The following RBM44 variants were observed in gnomAD, a reference collection of about 807,000 sequenced individuals.
The protein encoded by RBM44 is RNA binding motif protein 44, also known as RNA-binding protein 44.
A neutral mutation model predicts 105.1 loss-of-function variants in RBM44; 66 were observed. The ratio of observed to expected loss-of-function variants is 0.63; its 90% CI spans 0.52 to 0.77. The LOEUF is 0.77. RBM44 is among the 30% of genes least tolerant of loss of function. RBM44 has a pLI of 0.00. For missense variants in RBM44, 1,122 were observed against 1,207.8 expected, an observed-to-expected ratio of 0.93 and a Z score of 1.05; for synonymous variants, 365 against 417.6, an observed-to-expected ratio of 0.87 and a Z score of 1.54.
chr2:237,817,329 T>C lies in RBM44; in HGVS notation c.410T>C (p.Val137Ala), dbSNP rs1209601068. Reference sequence around the variant, plus strand: ...TTAAGTTCAGAATTAGATCCTGAAGTGCAGAAAAAAGAGGAGGTTTTTTTT... The same window carrying C: ...TTAAGTTCAGAATTAGATCCTGAAGCGCAGAAAAAAGAGGAGGTTTTTTTT... ...TPLSSELDPE[V>A]QKKEEVFFNI... is the part of the protein sequence containing the mutation. The change falls in exon 3 of 16, where the codon GTG (valine) becomes GCG (alanine). Residue 137 changes from valine (V) to alanine (A), a missense_variant. Coordinates refer to ENST00000316997, the MANE Select transcript of RBM44 (RefSeq NM_001080504.3). The C allele has an allele frequency of 3.1e-6, 5 of 1,603,450 alleles. No homozygotes were observed. Among genetic ancestry groups the C allele is most frequent in the Non-Finnish European group, 4.3e-6 (5 of 1,175,712 alleles).
Position 237,807,205 on chromosome 2 carries a change from G to A in RBM44, c.-18-6387G>A, listed in dbSNP as rs189985582. The stretch of plus-strand genomic sequence containing the variant: ...GCTCTGTTGCCCAGGATGGAGTGCA[G>A]TGGTGCAATCTTGGCTCACTGCAAC... On this transcript the variant is annotated intron_variant, in intron 1 of 15. Transcript: ENST00000316997. 4.9e-3 allele frequency among the ~76,000 whole-genome samples: 740 copies of A among 152,282 alleles called. 2 individuals carry two copies. The highest frequency in any genetic ancestry group is 8.2e-3 in the Admixed American group (126 of 15,304).
Position 237,838,600 on chromosome 2 carries a change from A to C in RBM44, c.*23-3239A>C, listed in dbSNP as rs1471204220. Among the ~76,000 whole-genome samples the C allele has an allele frequency of 4.6e-5, 7 of 152,160 alleles. 1 individual carries two copies. Among genetic ancestry groups the C allele is most frequent in the Admixed American group, 3.9e-4 (6 of 15,278 alleles). ...AGGGGATTAAGTATTCTTACTAAAC[A>C]CCTTGCAGTTTGGGAAGAGAGTAAG... On this transcript the variant is annotated intron_variant, in intron 15 of 15. Transcript: ENST00000316997.
At chr2:237,808,209 T>G (rs368961309) in intron 1 of RBM44, among the ~76,000 whole-genome samples, 1 of 152,122 alleles carries the variant, frequency 6.6e-6, no homozygotes, top group East Asian at 1.9e-4. Flanking sequence ...TCCTAGCACT[T>G]TGGGAGACTG....
At position 237,818,329 on chromosome 2, in the gene RBM44, T is replaced by C; in HGVS notation, c.1410T>C (p.Val470=). 6.2e-7 allele frequency: 1 copy of C among 1,613,378 alleles called. No individual in the cohort carries two copies. Among genetic ancestry groups the C allele is most frequent in the South Asian group, 1.1e-5 (1 of 91,050 alleles). Residue 470 remains valine, a synonymous_variant, in exon 3 of 16, where the codon GTT becomes GTC. Coordinates refer to ENST00000316997, the MANE Select transcript of RBM44 (RefSeq NM_001080504.3). This position sits in a 1 kb window ranked among gnomAD's most constrained non-coding sequence, Gnocchi z 4.6. ...TCACAATTAATCAGACAGTGGACGT[T>C]AGCACTGATTTTAGGGCTTGTTTCA... ...CTVTINQTVD[V]STDFRACFTT... is the part of the protein sequence containing the mutation.
chr2:237,809,926 T>C (rs2061639695), intron 1 of RBM44, among the ~76,000 whole-genome samples: 2 of 152,138 alleles, frequency 1.3e-5, no homozygotes, highest in South Asian at 4.1e-4. Flanking sequence ...AGCAAACCCC[T>C]TCTCTTTAAA....
intron 1 of RBM44, among the ~76,000 whole-genome samples, chr2:237,805,620 T>C (rs772741444): frequency 2.0e-5 from 3 of 152,214 alleles, no homozygotes; most frequent in African/African-American, 4.8e-5. Flanking sequence ...GATAGACCTC[T>C]ACCTTTCACC....
intron 1 of RBM44, among the ~76,000 whole-genome samples, chr2:237,805,893 T>A (rs916435314): frequency 6.6e-6 from 1 of 152,058 alleles, no homozygotes; most frequent in Non-Finnish European, 1.5e-5. Context: ...GGTGGGAGGA[T>A]CACTTGAGCC....
intron 1 of RBM44, among the ~76,000 whole-genome samples, chr2:237,807,946 C>T (rs1381655137): frequency 6.6e-6 from 1 of 152,118 alleles, no homozygotes; most frequent in Non-Finnish European, 1.5e-5. Context: ...TACAACTTAT[C>T]AAATATAGTT....
chr2:237,808,000 A>G (rs2061616141), intron 1 of RBM44, among the ~76,000 whole-genome samples: 1 of 152,208 alleles, frequency 6.6e-6, no homozygotes, highest in Non-Finnish European at 1.5e-5. Flanking sequence ...AAATGACAAG[A>G]CATAATGAGT....
At chr2:237,838,165 A>G (rs1055941901) in intron 15 of RBM44, among the ~76,000 whole-genome samples, 4 of 152,216 alleles carry the variant, frequency 2.6e-5, no homozygotes, top group East Asian at 1.9e-4. Context: ...ATTAAAGCCT[A>G]TAAGAACTAT....
chr2:237,829,290 A>C lies in RBM44; in HGVS notation c.2674A>C (p.Asn892His), dbSNP rs10186505. ...GAAAGAAATGAATGGGATAGAAATA[A>C]ATGGAAAGTCAGTAAATGTGTGGCC... ...AVKEMNGIEI[N>H]GKSVNVWPVK... The change falls in exon 13 of 16, where the codon AAT becomes CAT. Residue 892 changes from asparagine to histidine, a missense_variant. This residue lies in a region of RBM44 where 194 missense variants were observed against 225.5 expected (regional missense o/e 0.86). Coordinates refer to ENST00000316997, the MANE Select transcript of RBM44 (RefSeq NM_001080504.3). 8,168 of 1,613,408 alleles carry C rather than the reference A, an allele frequency of 5.1e-3. 349 individuals are homozygous for C. The African/African-American group carries it at 0.094, about 19-fold the overall frequency.
Position 237,833,606 on chromosome 2 carries a change from C to G in RBM44, c.2887-391C>G, listed in dbSNP as rs145400659. On this transcript the variant is annotated intron_variant, in intron 13 of 15. Coordinates refer to ENST00000316997, the MANE Select transcript of RBM44 (RefSeq NM_001080504.3). ...AGAATTAAGCCTTAATGCCCTAAGC[C>G]TAAAACATTTATTTAATGAATGAAT... is the stretch of plus-strand genomic sequence containing the variant. Among the ~76,000 whole-genome samples, 775 of 152,214 alleles carry G rather than the reference C, an allele frequency of 5.1e-3. 7 individuals are homozygous for G. The highest frequency in any genetic ancestry group is 0.018 in the African/African-American group (731 of 41,552).
At chr2:237,801,587 A>G (rs1247386003) in intron 1 of RBM44, among the ~76,000 whole-genome samples, 3 of 152,112 alleles carry the variant, frequency 2.0e-5, no homozygotes, top group African/African-American at 7.2e-5. Context: ...TCGGCCTCCT[A>G]AAGTGCTGGG....
intron 1 of RBM44, among the ~76,000 whole-genome samples, chr2:237,806,695 A>G (rs1322503539): frequency 6.6e-6 from 1 of 152,236 alleles, no homozygotes. Context: ...ATAAAAGAAA[A>G]GCTCCAGAAA....
At chr2:237,809,899 T>C (rs1299780818) in intron 1 of RBM44, among the ~76,000 whole-genome samples, 1 of 152,192 alleles carries the variant, frequency 6.6e-6, no homozygotes, top group Non-Finnish European at 1.5e-5. Context: ...GCCACTGCAC[T>C]CCAGCCTGGG....
At chr2:237,819,923 C>G (rs1287511442) in intron 4 of RBM44, among the ~76,000 whole-genome samples, 1 of 151,794 alleles carries the variant, frequency 6.6e-6, no homozygotes, top group Admixed American at 6.6e-5. Context: ...CAAATTCATA[C>G]TTCCTTTTTT....
intron 8 of RBM44, among the ~76,000 whole-genome samples, chr2:237,823,124 T>A (rs1157270789): frequency 2.7e-5 from 4 of 146,606 alleles, no homozygotes; most frequent in African/African-American, 9.8e-5. Flanking sequence ...ATATATATAA[T>A]ATATATATAT....
intron 9 of RBM44, 29 bp from the exon 10 acceptor site, chr2:237,824,262 T>G (rs779447394): frequency 1.2e-5 from 20 of 1,610,680 alleles, no homozygotes; most frequent in East Asian, 2.2e-5. Flanking sequence ...TTACGTGTCA[T>G]TCATAGCTCA....
chr2:237,827,145 C>A lies in RBM44; in HGVS notation c.2450-105C>A, dbSNP rs2150985295. 9.0e-6 allele frequency: 6 copies of A among 664,504 alleles called. No homozygotes were observed. The South Asian group carries it at 1.0e-4, about 11-fold the overall frequency. 41.2% of individuals were successfully genotyped at this position (664,504 alleles called of 1,614,324 possible). On this transcript the variant is annotated intron_variant, in intron 10 of 15. Coordinates refer to ENST00000316997, the MANE Select transcript of RBM44 (RefSeq NM_001080504.3). ...GTTGCTGATAACTTTATAATAAACTCTGGGTTAGTAGAAAGGAAACAAAAT... is the reference window on the plus strand; with the variant it reads ...GTTGCTGATAACTTTATAATAAACTATGGGTTAGTAGAAAGGAAACAAAAT...
Sources: allele counts gnomAD v4.1 joint callset (sites outside exome capture counted in the v4.1 genomes callset), GRCh38; gene constraint gnomAD v4.1.1; regional missense constraint gnomAD v4.1.1; non-coding constraint Gnocchi (gnomAD v3.1); transcripts MANE v1.5; gene names NCBI Gene and HGNC (gene_info 2026-07-23, HGNC 2026-07-21).